ZNF564: variants seen among roughly 807,000 people sequenced by gnomAD.
The protein encoded by ZNF564 is zinc finger protein 564.
ZNF564 carries 5 observed loss-of-function variants against 10.5 expected under a neutral mutation model. The observed-to-expected ratio is 0.48, with a 90% CI of 0.25 to 1.00. The LOEUF (loss-of-function observed/expected upper bound fraction) is 1.00, where lower values mean the gene tolerates loss of function less well. ZNF564 is among the 50% of genes least tolerant of loss of function. ZNF564 has a pLI of 0.16. For missense variants in ZNF564, 603 were observed against 669.7 expected (o/e 0.90, Z 1.10); for synonymous variants, 242 against 218.1 (o/e 1.11, Z -0.97).
At chr19:12,547,521 G>GTTTA (rs918459140) in intron 1 of ZNF564, among the ~76,000 whole-genome samples, 7 of 152,226 alleles carry the variant, frequency 4.6e-5, no homozygotes, top group African/African-American at 1.7e-4. Context: ...GGAGCCCATG[G>GTTTA]TTTACTGTTA....
rs766301444 is a variant in ZNF564 at position 12,527,699 on chromosome 19, C to T, written c.409G>A (p.Gly137Arg). The change falls in exon 4 of 4, where the codon GGA (glycine) becomes AGA (arginine). Residue 137 changes from glycine (G) to arginine (R), a missense_variant. By Grantham distance (125) the Gly-to-Arg change is moderately radical. Coordinates refer to ENST00000339282, the MANE Select transcript of ZNF564 (RefSeq NM_144976.4). ...GHKPYDYQEY[G>R]EKPYKCKQCG... ...TGCTTACATTTATATGGTTTCTCTC[C>T]ATATTCCTGATAGTCATATGGTTTG... 6.2e-7 allele frequency: 1 copy of T among 1,614,140 alleles called. No individual in the cohort carries two copies. Among genetic ancestry groups the T allele is most frequent in the Non-Finnish European group, 8.5e-7 (1 of 1,180,026 alleles).
chr19:12,533,536 G>A (rs374043922), intron 1 of ZNF564, among the ~76,000 whole-genome samples: 1 of 152,040 alleles, frequency 6.6e-6, no homozygotes, highest in Non-Finnish European at 1.5e-5. Flanking sequence ...AGACCAGCCT[G>A]GACAACATGG....
intron 1 of ZNF564, among the ~76,000 whole-genome samples, chr19:12,541,855 A>C (rs1432818748): frequency 6.6e-6 from 1 of 151,170 alleles, no homozygotes; most frequent in Admixed American, 6.6e-5. Context: ...CTCTACTAAA[A>C]ATACAAAAAA....
In ZNF564 at chr19:12,527,682, T is replaced by C; in HGVS notation, c.426A>G (p.Lys142=). 2 of 1,614,174 alleles carry C rather than the reference T, an allele frequency of 1.2e-6. No homozygotes were observed. The highest frequency in any genetic ancestry group is 1.7e-6 in the Non-Finnish European group (2 of 1,180,030). The change falls in exon 4 of 4, where the codon AAA becomes AAG. Residue 142 remains lysine, a synonymous_variant. Coordinates refer to ENST00000339282, the MANE Select transcript of ZNF564 (RefSeq NM_144976.4). ...DYQEYGEKPY[K]CKQCGKAFSS... The stretch of plus-strand genomic sequence containing the variant: ...TGAAGGCTTTCCCACACTGCTTACA[T>C]TTATATGGTTTCTCTCCATATTCCT...
Position 12,529,463 on chromosome 19 carries a change from G to A in ZNF564, c.4-767C>T, listed in dbSNP as rs200008278. ...TACCAAAAATACAAAAAAATTAGCCGGGCATGGTGGCATGCACCTGTAATC... is the reference window on the plus strand; with the variant it reads ...TACCAAAAATACAAAAAAATTAGCCAGGCATGGTGGCATGCACCTGTAATC... On this transcript the variant is annotated intron_variant, in intron 1 of 3. Transcript: ENST00000339282. 5.3e-5 allele frequency among the ~76,000 whole-genome samples: 8 copies of A among 151,896 alleles called. No individual in the cohort carries two copies. The East Asian group carries it at 1.2e-3, about 22-fold the overall frequency.
chr19:12,538,808 CA>C (rs977580190), intron 1 of ZNF564, among the ~76,000 whole-genome samples: 4 of 144,902 alleles, frequency 2.8e-5, no homozygotes, highest in South Asian at 2.2e-4. Context: ...GACCCTGTCT[CA>C]AAAAAAAAAG....
At chr19:12,537,988 T>C (rs2021953307) in intron 1 of ZNF564, among the ~76,000 whole-genome samples, 1 of 152,012 alleles carries the variant, frequency 6.6e-6, no homozygotes, top group Admixed American at 6.6e-5. Context: ...TCTGATATCT[T>C]TTCTTTTTCT....
intron 1 of ZNF564, among the ~76,000 whole-genome samples, chr19:12,533,448 T>C (rs1006069270): frequency 6.6e-6 from 1 of 152,046 alleles, no homozygotes; most frequent in African/African-American, 2.4e-5. Flanking sequence ...TACTTCGGGC[T>C]GGGTGCAGTG....
chr19:12,550,997 G>A lies in ZNF564; in HGVS notation c.3+333C>T, dbSNP rs1271076093. On this transcript the variant is annotated intron_variant, in intron 1 of 3. Coordinates refer to ENST00000339282, the MANE Select transcript of ZNF564 (RefSeq NM_144976.4). ...CCACAGCTCTTCCCATGCACGAACCGCACACCCGAGACGGGATTCCGCCTT... is the reference window on the plus strand; with the variant it reads ...CCACAGCTCTTCCCATGCACGAACCACACACCCGAGACGGGATTCCGCCTT... Among the ~76,000 whole-genome samples, 3 of 152,262 alleles carry A rather than the reference G, an allele frequency of 2.0e-5. No individual in the cohort carries two copies. The East Asian group carries it at 5.8e-4, about 29-fold the overall frequency.
chr19:12,540,704 A>C (rs879487901), intron 1 of ZNF564, among the ~76,000 whole-genome samples: 2 of 152,108 alleles, frequency 1.3e-5, no homozygotes, highest in Non-Finnish European at 2.9e-5. Context: ...AACACAAAAA[A>C]TTAGCCGGGC....
In ZNF564 at chr19:12,525,552, T is replaced by C. The variant is rs1480500854; in HGVS notation, c.*894A>G. On this transcript the variant is annotated 3_prime_UTR_variant, in exon 4 of 4. Transcript: ENST00000339282. ...ATGAGATGCTATGTATGTCTTGAGT[T>C]TGATTTGTATTTCCCTAATGACTAA... 1 of 152,212 alleles carries C rather than the reference T, an allele frequency of 6.6e-6. No homozygotes were observed. The highest frequency in any genetic ancestry group is 6.5e-5 in the Admixed American group (1 of 15,280). 9.4% of individuals were successfully genotyped at this position (152,212 alleles called of 1,614,324 possible).
intron 1 of ZNF564, among the ~76,000 whole-genome samples, chr19:12,532,273 C>T (rs866155057): frequency 6.6e-6 from 1 of 151,450 alleles, no homozygotes; most frequent in South Asian, 2.1e-4. Flanking sequence ...CGGTGGCTCA[C>T]ACCTGTAATC....
chr19:12,541,767 G>A (rs2022054473), intron 1 of ZNF564, among the ~76,000 whole-genome samples: 1 of 151,582 alleles, frequency 6.6e-6, no homozygotes, highest in Non-Finnish European at 1.5e-5. Flanking sequence ...TGTAATCCCA[G>A]CACTTTGGGA....
At chr19:12,551,088 C>G (rs1191099128) in intron 1 of ZNF564, among the ~76,000 whole-genome samples, 1 of 152,234 alleles carries the variant, frequency 6.6e-6, no homozygotes, top group Non-Finnish European at 1.5e-5. Context: ...CGGAGCTGCC[C>G]AGACAGGGCT....
rs547034758 is a variant in ZNF564, at chr19:12,551,352, C to A, written c.-20G>T. On this transcript the variant is annotated 5_prime_UTR_variant, in exon 1 of 4. Transcript: ENST00000339282. ...CACCATTTCCTGGCTTCCAGGGTGT[C>A]CCGGGGTCCTGCCTACGGCTCTCTC... is the stretch of plus-strand genomic sequence containing the variant. 1.9e-6 allele frequency: 3 copies of A among 1,603,276 alleles called. No homozygotes were observed. The Admixed American group carries it at 5.1e-5, about 27-fold the overall frequency.
intron 1 of ZNF564, chr19:12,548,901 C>A: frequency 1.4e-6 from 1 of 701,664 alleles, no homozygotes; most frequent in South Asian, 1.5e-5. Flanking sequence ...CTCTGTATTT[C>A]ACCAATTAAT....
At position 12,532,363 on chromosome 19, in the gene ZNF564, G is replaced by T. The variant is rs1020086323; in HGVS notation, c.4-3667C>A. 2.0e-5 allele frequency among the ~76,000 whole-genome samples: 3 copies of T among 150,712 alleles called. No individual in the cohort carries two copies. In the South Asian group the frequency reaches 6.3e-4, roughly 32 times the overall value. ...ATCCTGGCTAACACGGTGAAACCCC[G>T]TCTCTACTAAAAATACAAAAAATTA... On this transcript the variant is annotated intron_variant, in intron 1 of 3. Transcript: ENST00000339282.
At chr19:12,549,825 G>C (rs1262577154) in intron 1 of ZNF564, among the ~76,000 whole-genome samples, 2 of 152,172 alleles carry the variant, frequency 1.3e-5, no homozygotes, top group Non-Finnish European at 2.9e-5. Context: ...TCCTCCAAGA[G>C]AAGTGGCAGC....
Position 12,527,691 on chromosome 19 carries a change from T to C in ZNF564, c.417A>G (p.Lys139=), listed in dbSNP as rs758373811. 6.2e-7 allele frequency: 1 copy of C among 1,614,224 alleles called. No individual in the cohort carries two copies. The highest frequency in any genetic ancestry group is 1.1e-5 in the South Asian group (1 of 91,090). The part of the protein sequence containing the change: ...KPYDYQEYGE[K]PYKCKQCGKA... ...TCCCACACTGCTTACATTTATATGG[T>C]TTCTCTCCATATTCCTGATAGTCAT... The change falls in exon 4 of 4, where the codon AAA becomes AAG. Residue 139 remains lysine (K), a synonymous_variant. Coordinates refer to ENST00000339282, the MANE Select transcript of ZNF564 (RefSeq NM_144976.4).
Sources: gnomAD v4.1 joint callset for allele counts (sites outside exome capture counted in the v4.1 genomes callset) on GRCh38, gnomAD v4.1.1 for gene constraint, MANE v1.5 for transcripts, NCBI Gene and HGNC (gene_info 2026-07-23, HGNC 2026-07-21) for gene names.